VEPH1: variants seen among roughly 807,000 people sequenced by gnomAD.
VEPH1 encodes the protein ventricular zone-expressed PH domain-containing protein homolog 1.
Under a neutral mutation model 85.2 loss-of-function variants are expected in VEPH1, and 80 were observed. The observed-to-expected ratio is 0.94, with a 90% CI of 0.78 to 1.13. The LOEUF (loss-of-function observed/expected upper bound fraction) is 1.13, where lower values mean the gene tolerates loss of function less well. Ranked by LOEUF, VEPH1 falls within the 50% of genes most tolerant of loss-of-function variation. VEPH1 has a pLI of 0.00. For synonymous variants in VEPH1, 297 were observed against 348.0 expected, an observed-to-expected ratio of 0.85 and a Z score of 1.63; for missense variants, 955 against 980.5, an observed-to-expected ratio of 0.97 and a Z score of 0.35.
At position 157,260,991 on chromosome 3, in the gene VEPH1, G is replaced by A; in HGVS notation, c.*143C>T. On this transcript the variant is annotated 3_prime_UTR_variant, in exon 14 of 14. Coordinates refer to ENST00000362010, the MANE Select transcript of VEPH1 (RefSeq NM_001167912.2). ...ATTTACTAAGAATCCTGCCATTTTA[G>A]GCCCTTCTTCTTAAAGGACAACAAT... 3 of 1,139,180 alleles carry A rather than the reference G, an allele frequency of 2.6e-6. No homozygotes were observed. The highest frequency in any genetic ancestry group is 2.5e-6 in the Non-Finnish European group (2 of 803,442). 70.6% of individuals were successfully genotyped at this position (1,139,180 alleles called of 1,614,324 possible). A position where few individuals can be genotyped will look rare whatever the true frequency, so the allele number is the denominator to read the frequency against.
At chr3:157,284,225 TTCAC>T (rs1716491584) in intron 12 of VEPH1, among the ~76,000 whole-genome samples, 1 of 152,216 alleles carries the variant, frequency 6.6e-6, no homozygotes, top group Non-Finnish European at 1.5e-5. Context: ...CATTCATTCA[TTCAC>T]TCACTCAACA....
intron 11 of VEPH1, among the ~76,000 whole-genome samples, chr3:157,295,428 T>C (rs1055203388): frequency 6.6e-6 from 1 of 151,430 alleles, no homozygotes; most frequent in East Asian, 1.9e-4. Flanking sequence ...CAAGACCCTG[T>C]CTTGAAAAAA....
At position 157,364,497 on chromosome 3, in the gene VEPH1, AGTGCTGATTT is replaced by A; in HGVS notation, c.1133_1142del (p.Lys378MetfsTer15). ...CCAGTTTCTCAGGGAATTCAATTTC[AGTGCTGATTT>A]TTCTCCTAAAGGAATATAAATCATT... On this transcript the variant is annotated frameshift_variant, in exon 8 of 14. Transcript: ENST00000362010. LOFTEE classifies it high-confidence loss of function. 6.2e-7 allele frequency: 1 copy of A among 1,613,758 alleles called. No individual in the cohort carries two copies. The highest frequency in any genetic ancestry group is 2.2e-5 in the East Asian group (1 of 44,822).
chr3:157,384,053 A>T (rs979008078), intron 6 of VEPH1, among the ~76,000 whole-genome samples: 3 of 152,234 alleles, frequency 2.0e-5, no homozygotes, highest in Admixed American at 2.0e-4. Context: ...AGTCAGGAAC[A>T]TATCACTGAA....
intron 1 of VEPH1, among the ~76,000 whole-genome samples, chr3:157,502,950 T>C (rs1740229962): frequency 6.6e-6 from 1 of 152,204 alleles, no homozygotes; most frequent in Non-Finnish European, 1.5e-5. Flanking sequence ...AAGTATAAAA[T>C]AGAAATGAGA....
intron 6 of VEPH1, among the ~76,000 whole-genome samples, chr3:157,384,525 T>G (rs1288182902): frequency 6.6e-6 from 1 of 152,200 alleles, no homozygotes; most frequent in African/African-American, 2.4e-5. Flanking sequence ...CTATAAAAAT[T>G]TGCAAGCCCC....
intron 9 of VEPH1, among the ~76,000 whole-genome samples, chr3:157,342,368 G>A (rs1402455757): frequency 6.6e-6 from 1 of 152,152 alleles, no homozygotes; most frequent in Admixed American, 6.5e-5. Flanking sequence ...AAAGGCAGGG[G>A]TTGCAATCCT....
chr3:157,369,180 G>GAAAAAAAAAAAAAAAAAAAAAAAA (rs58451868), intron 7 of VEPH1, among the ~76,000 whole-genome samples: 7 of 42,786 alleles, frequency 1.6e-4, no homozygotes, highest in East Asian at 1.4e-3. Flanking sequence ...AAAACCAAAT[G>GAAAAAAAAAAAAAAAAAAAAAAAA]AAAAAAAAAA....
intron 6 of VEPH1, among the ~76,000 whole-genome samples, chr3:157,384,195 G>A (rs367942568): frequency 5.1e-4 from 78 of 152,284 alleles, no homozygotes; most frequent in Middle Eastern, 6.8e-3. Context: ...GGGAGCCAAT[G>A]GTAAATAGTG....
In VEPH1 at chr3:157,414,095, A is replaced by G. The variant is rs1731721745; in HGVS notation, c.697-5T>C. On this transcript the variant is annotated splice_region_variant and splice_polypyrimidine_tract_variant and intron_variant, in intron 5 of 13. Coordinates refer to ENST00000362010, the MANE Select transcript of VEPH1 (RefSeq NM_001167912.2). The stretch of plus-strand genomic sequence containing the variant: ...AGGAATACACTTCTGAACTACCTAT[A>G]AAGAGAGAGGAGAGGAGGAGGGAAG... The G allele has an allele frequency of 6.3e-7, 1 of 1,595,256 alleles. No homozygotes were observed. The highest frequency in any genetic ancestry group is 8.6e-7 in the Non-Finnish European group (1 of 1,165,066).
chr3:157,475,995 C>T (rs1737433902), intron 2 of VEPH1, among the ~76,000 whole-genome samples: 1 of 152,180 alleles, frequency 6.6e-6, no homozygotes, highest in Non-Finnish European at 1.5e-5. Flanking sequence ...CTTTTATGTT[C>T]ATGGGAATAT....
At chr3:157,328,946 G>A (rs1398159036) in intron 9 of VEPH1, among the ~76,000 whole-genome samples, 1 of 152,098 alleles carries the variant, frequency 6.6e-6, no homozygotes, top group Non-Finnish European at 1.5e-5. Context: ...ATTTATCTAA[G>A]GTCACATGGC....
chr3:157,290,264 C>A (rs544749128), intron 11 of VEPH1, among the ~76,000 whole-genome samples: 1 of 152,238 alleles, frequency 6.6e-6, no homozygotes, highest in South Asian at 2.1e-4. Flanking sequence ...TTCTTGCCAA[C>A]AAACAGAATG....
intron 9 of VEPH1, among the ~76,000 whole-genome samples, chr3:157,349,151 C>G (rs1191468080): frequency 6.6e-6 from 1 of 152,132 alleles, no homozygotes; most frequent in African/African-American, 2.4e-5. Context: ...TCTAACAAAT[C>G]AAATCTAACA....
intron 9 of VEPH1, among the ~76,000 whole-genome samples, chr3:157,338,439 T>C (rs1723182188): frequency 6.6e-6 from 1 of 152,210 alleles, no homozygotes; most frequent in South Asian, 2.1e-4. Context: ...GATCTTTAAA[T>C]TGTACTTCTA....
intron 7 of VEPH1, among the ~76,000 whole-genome samples, chr3:157,369,605 GC>G: frequency 6.6e-6 from 1 of 152,294 alleles, no homozygotes; most frequent in South Asian, 2.1e-4. Flanking sequence ...ACCTGGGCAT[GC>G]CACAGAACTT....
chr3:157,281,436 G>C (rs1464855594), intron 12 of VEPH1, among the ~76,000 whole-genome samples: 2 of 152,162 alleles, frequency 1.3e-5, no homozygotes, highest in East Asian at 3.8e-4. Context: ...TGTTTTTGGT[G>C]CTCTACCAAC....
intron 1 of VEPH1, among the ~76,000 whole-genome samples, chr3:157,495,838 A>C (rs1438057929): frequency 6.6e-6 from 1 of 152,198 alleles, no homozygotes; most frequent in East Asian, 1.9e-4. Flanking sequence ...GATTTTCCTC[A>C]AAAAGATTCT....
At chr3:157,322,493 GA>G (rs1314674650) in intron 9 of VEPH1, among the ~76,000 whole-genome samples, 1 of 151,572 alleles carries the variant, frequency 6.6e-6, no homozygotes, top group East Asian at 1.9e-4. Context: ...GGCATTGTTG[GA>G]TCATATGGTA....
Sources: allele counts gnomAD v4.1 joint callset (sites outside exome capture counted in the v4.1 genomes callset), GRCh38; gene constraint gnomAD v4.1.1; transcripts MANE v1.5; gene names NCBI Gene and HGNC (gene_info 2026-07-23, HGNC 2026-07-21).